Variants in NWD2 observed in about 807,000 individuals in gnomAD.
NWD2 encodes NACHT and WD repeat domain containing 2.
In NWD2, 37 loss-of-function variants were observed where a neutral mutation model predicts 132.7. That is an observed-to-expected ratio of 0.28 (90% CI 0.21 to 0.37). NWD2 has a LOEUF of 0.37. Ranked by LOEUF, NWD2 falls within the 10% of genes least tolerant of loss-of-function variation. NWD2 has a pLI of 1.00. For missense variants in NWD2, 1,592 were observed against 2,122.4 expected, an observed-to-expected ratio of 0.75 and a Z score of 4.91; for synonymous variants, 705 against 803.0, an observed-to-expected ratio of 0.88 and a Z score of 2.06.
At chr4:37,432,003 G>GTTTA in intron 4 of NWD2, among the ~76,000 whole-genome samples, 1 of 151,568 alleles carries the variant, frequency 6.6e-6, no homozygotes, top group African/African-American at 2.4e-5. Flanking sequence ...AGCTCCCTTT[G>GTTTA]CTTCTCTGAA....
chr4:37,329,528 G>C (rs759106544), intron 2 of NWD2, among the ~76,000 whole-genome samples: 9 of 152,022 alleles, frequency 5.9e-5, no homozygotes, highest in Non-Finnish European at 1.0e-4. Context: ...CAAGGAAAAG[G>C]GTCTGAGGTA....
chr4:37,290,527 G>C (rs2109271953), intron 1 of NWD2, among the ~76,000 whole-genome samples: 1 of 152,306 alleles, frequency 6.6e-6, no homozygotes, highest in East Asian at 1.9e-4. Context: ...GGAAGTTATA[G>C]GCAGTCAGGA....
At chr4:37,361,170 C>T (rs1394536076) in intron 3 of NWD2, among the ~76,000 whole-genome samples, 1 of 152,012 alleles carries the variant, frequency 6.6e-6, no homozygotes, top group South Asian at 2.1e-4. Flanking sequence ...AGGTCCAAAA[C>T]TGAATCAGTA....
chr4:37,296,643 G>T (rs1323605447), intron 1 of NWD2, among the ~76,000 whole-genome samples: 1 of 152,056 alleles, frequency 6.6e-6, no homozygotes, highest in Non-Finnish European at 1.5e-5. Flanking sequence ...TAAGCTATGA[G>T]TACATAGACA....
intron 1 of NWD2, among the ~76,000 whole-genome samples, chr4:37,324,971 G>A (rs878957795): frequency 3.3e-5 from 5 of 152,130 alleles, no homozygotes; most frequent in Admixed American, 2.0e-4. Flanking sequence ...TCATAGTTAT[G>A]GCTGGGATAG....
intron 3 of NWD2, among the ~76,000 whole-genome samples, chr4:37,376,085 A>G (rs1267547501): frequency 6.6e-6 from 1 of 152,196 alleles, no homozygotes; most frequent in Admixed American, 6.5e-5. Flanking sequence ...AATATTGATG[A>G]ATTTAACATT....
chr4:37,380,620 T>G (rs1720433635), intron 3 of NWD2, among the ~76,000 whole-genome samples: 1 of 152,124 alleles, frequency 6.6e-6, no homozygotes, highest in Non-Finnish European at 1.5e-5. Flanking sequence ...TGCTAAGGAA[T>G]CACAAGCCAA....
intron 1 of NWD2, among the ~76,000 whole-genome samples, chr4:37,275,538 T>C (rs367555404): frequency 1.3e-5 from 2 of 151,796 alleles, no homozygotes; most frequent in South Asian, 4.2e-4. Flanking sequence ...TCCCCATCAA[T>C]CTACCAATGA....
At position 37,267,514 on chromosome 4, in the gene NWD2, CCTCTTTAGCAAATG is replaced by C. The variant is rs902132164; in HGVS notation, c.151+22297_151+22310del. 1.1e-3 allele frequency among the ~76,000 whole-genome samples: 164 copies of C among 151,996 alleles called. 1 individual carries two copies. Among genetic ancestry groups the C allele is most frequent in the African/African-American group, 3.6e-3 (151 of 41,508 alleles). On this transcript the variant is annotated intron_variant, in intron 1 of 6. Coordinates refer to ENST00000309447, the MANE Select transcript of NWD2 (RefSeq NM_001144990.2). ...AGGGATGCCTACATTTTAAAATGTG[CCTCTTTAGCAAATG>C]TAACATTTTTGATAACAAAGCTGTG...
chr4:37,395,902 A>C (rs1720784009), intron 3 of NWD2, among the ~76,000 whole-genome samples: 1 of 151,832 alleles, frequency 6.6e-6, no homozygotes, highest in Non-Finnish European at 1.5e-5. Context: ...TTTGATTTGG[A>C]CTGGCTTGGA....
At chr4:37,287,662 G>T (rs972006945) in intron 1 of NWD2, among the ~76,000 whole-genome samples, 2 of 152,296 alleles carry the variant, frequency 1.3e-5, no homozygotes, top group East Asian at 1.9e-4. Context: ...GAGCCCCTAG[G>T]GGGAGGGGTG....
Position 37,446,330 on chromosome 4 carries a change from A to G in NWD2, c.4342A>G (p.Asn1448Asp). 6.4e-7 allele frequency: 1 copy of G among 1,551,866 alleles called. No homozygotes were observed. Among genetic ancestry groups the G allele is most frequent in the Non-Finnish European group, 8.7e-7 (1 of 1,147,044 alleles). ...GCAGAATGCCTTTATTACCTCCGCA[A>G]ATACCTTCGTGGTGGGAATGACTAA... ...TLQNAFITSANTFVVGMTKSK... is the reference protein window; with the variant it reads ...TLQNAFITSADTFVVGMTKSK... Residue 1448 changes from asparagine to aspartate, a missense_variant, in exon 7 of 7, where the codon AAT becomes GAT. By Grantham distance (23) the Asn-to-Asp change is conservative. Transcript: ENST00000309447. This position sits in a 1 kb window ranked among gnomAD's most constrained non-coding sequence, Gnocchi z 6.7.
chr4:37,432,399 C>T (rs750688557), intron 4 of NWD2, among the ~76,000 whole-genome samples: 5 of 150,878 alleles, frequency 3.3e-5, no homozygotes, highest in East Asian at 3.9e-4. Flanking sequence ...AAATTGATCA[C>T]GTGAAACTGA....
intron 3 of NWD2, among the ~76,000 whole-genome samples, chr4:37,386,168 TAAAG>T (rs1264203638): frequency 6.6e-6 from 1 of 152,118 alleles, no homozygotes; most frequent in Non-Finnish European, 1.5e-5. Context: ...TATTTCTCTA[TAAAG>T]AAAGATTTCC....
intron 3 of NWD2, among the ~76,000 whole-genome samples, chr4:37,428,944 C>T (rs1228770739): frequency 1.3e-5 from 2 of 152,144 alleles, no homozygotes; most frequent in Admixed American, 6.5e-5. Context: ...GTTGGCCAGG[C>T]TGATCTCAAA....
chr4:37,328,767 G>T (rs1299361785), intron 2 of NWD2, among the ~76,000 whole-genome samples: 1 of 152,106 alleles, frequency 6.6e-6, no homozygotes, highest in Non-Finnish European at 1.5e-5. Context: ...CTCCTCTAGA[G>T]ATGCTGTTCT....
At chr4:37,257,567 G>T (rs1007259901) in intron 1 of NWD2, among the ~76,000 whole-genome samples, 1 of 152,038 alleles carries the variant, frequency 6.6e-6, no homozygotes, top group Non-Finnish European at 1.5e-5. Context: ...AAAATTATAG[G>T]TCAGAATTTG....
intron 3 of NWD2, among the ~76,000 whole-genome samples, chr4:37,410,880 T>G (rs1246892905): frequency 6.6e-6 from 1 of 152,100 alleles, no homozygotes; most frequent in Non-Finnish European, 1.5e-5. Context: ...CTGAACAAAC[T>G]GCTCCTGAAT....
intron 3 of NWD2, among the ~76,000 whole-genome samples, chr4:37,372,932 C>T (rs1420423489): frequency 6.6e-6 from 1 of 152,228 alleles, no homozygotes; most frequent in Non-Finnish European, 1.5e-5. Flanking sequence ...TGCAGTATTG[C>T]TTCTCCCAGC....
Sources: allele counts gnomAD v4.1 joint callset (sites outside exome capture counted in the v4.1 genomes callset), GRCh38; gene constraint gnomAD v4.1.1; non-coding constraint Gnocchi (gnomAD v3.1); transcripts MANE v1.5; gene names NCBI Gene and HGNC (gene_info 2026-07-23, HGNC 2026-07-21).